Variants in TXNRD2 observed in about 807,000 individuals in gnomAD.
TXNRD2 encodes thioredoxin reductase 2.
A neutral mutation model predicts 70.8 loss-of-function variants in TXNRD2; 67 were observed. The ratio of observed to expected loss-of-function variants is 0.95; its 90% CI spans 0.78 to 1.16. The LOEUF is 1.16. Among genes scored for constraint, TXNRD2 ranks in the 50% most tolerant of loss-of-function variants. The pLI is 0.00. For missense variants in TXNRD2, 644 were observed against 719.9 expected (o/e 0.89, Z 1.21); for synonymous variants, 301 against 295.8 (o/e 1.02, Z -0.18).
rs1442558127 is a variant in TXNRD2 at position 19,907,927 on chromosome 22, A to C, written c.662+3450T>G. Among the ~76,000 whole-genome samples, 2 of 56,250 alleles carry C rather than the reference A, an allele frequency of 3.6e-5. 1 individual carries two copies. The highest frequency in any genetic ancestry group is 6.3e-5 in the Non-Finnish European group (2 of 31,902). 36.9% of individuals were successfully genotyped at this position (56,250 alleles called of 152,430 possible). A position where few individuals can be genotyped will look rare whatever the true frequency, so the allele number is the denominator to read the frequency against. Reference sequence around the variant, plus strand: ...ACCGCTCTCAGGAGAGTGTGGGCACACCATGGGTAGCAGTGACAGCTCTCA... The same window carrying C: ...ACCGCTCTCAGGAGAGTGTGGGCACCCCATGGGTAGCAGTGACAGCTCTCA... On this transcript the variant is annotated intron_variant, in intron 8 of 17. Coordinates refer to ENST00000400521, the MANE Select transcript of TXNRD2 (RefSeq NM_006440.5).
chr22:19,941,584 A>G (rs1941716049), intron 1 of TXNRD2, 117 bp downstream of exon 1: 24 of 1,326,880 alleles, frequency 1.8e-5, no homozygotes, highest in Non-Finnish European at 2.1e-5. Context: ...CGGTATGTGG[A>G]CACCCCCGCG....
At chr22:19,924,370 C>T (rs930369158) in intron 2 of TXNRD2, among the ~76,000 whole-genome samples, 9 of 152,186 alleles carry the variant, frequency 5.9e-5, no homozygotes, top group Admixed American at 1.3e-4. Flanking sequence ...CACCACCCCC[C>T]GCACCCTAAG....
intron 2 of TXNRD2, among the ~76,000 whole-genome samples, chr22:19,921,995 G>T (rs1940936225): frequency 6.6e-6 from 1 of 152,150 alleles, no homozygotes; most frequent in Non-Finnish European, 1.5e-5. Context: ...AGACCCAAAA[G>T]GATCAAACTG....
intron 11 of TXNRD2, among the ~76,000 whole-genome samples, chr22:19,885,719 A>G (rs928780005): frequency 3.3e-5 from 5 of 152,154 alleles, no homozygotes; most frequent in Non-Finnish European, 7.3e-5. Context: ...TCCGTGCCGG[A>G]ACAGAACATC....
chr22:19,881,379 GACTAACT>G, intron 12 of TXNRD2: 1 of 297,510 alleles, frequency 3.4e-6, no homozygotes. Context: ...CAGCAGGCCT[GACTAACT>G]ACGGAAACAT....
intron 2 of TXNRD2, 91 bp downstream of exon 2, chr22:19,930,939 T>C: frequency 8.3e-7 from 1 of 1,203,094 alleles, no homozygotes; most frequent in Non-Finnish European, 1.2e-6. Flanking sequence ...AGGCAACGCA[T>C]TTTGCTCATG....
intron 2 of TXNRD2, among the ~76,000 whole-genome samples, chr22:19,920,021 G>A (rs538812906): frequency 2.6e-5 from 4 of 152,274 alleles, no homozygotes; most frequent in East Asian, 1.9e-4. Flanking sequence ...GCCACTCACC[G>A]GGAATGGCTC....
intron 5 of TXNRD2, among the ~76,000 whole-genome samples, chr22:19,917,462 C>T (rs1224331535): frequency 6.6e-6 from 1 of 152,148 alleles, no homozygotes. Context: ...CAGGAAGACC[C>T]GCCCTGGGGC....
At chr22:19,908,451 G>C (rs768374575) in intron 8 of TXNRD2, among the ~76,000 whole-genome samples, 8 of 152,074 alleles carry the variant, frequency 5.3e-5, no homozygotes, top group Non-Finnish European at 1.2e-4. Context: ...CAAGAAAACA[G>C]TTTAAAGGAA....
intron 14 of TXNRD2, among the ~76,000 whole-genome samples, chr22:19,878,727 A>C (rs1819665817): frequency 6.6e-6 from 1 of 152,216 alleles, no homozygotes; most frequent in Non-Finnish European, 1.5e-5. Flanking sequence ...GCATCAGGCA[A>C]TCCAAGCAGC....
At chr22:19,905,796 G>T (rs1030819551) in intron 8 of TXNRD2, among the ~76,000 whole-genome samples, 1 of 151,814 alleles carries the variant, frequency 6.6e-6, no homozygotes, top group African/African-American at 2.4e-5. Flanking sequence ...ACAGTGCCTC[G>T]AGATGGGCAC....
At chr22:19,897,963 T>TGCACC in intron 10 of TXNRD2, 76 bp downstream of exon 10, 2 of 1,256,716 alleles carry the variant, frequency 1.6e-6, no homozygotes, top group Non-Finnish European at 2.2e-6. Context: ...ATGACTGCAC[T>TGCACC]GCACCTGCCT....
chr22:19,890,047 G>C lies in TXNRD2; in HGVS notation c.949+5360C>G, dbSNP rs115261731. ...AGCTGTGGGCTCTGGACATAAGTGTGAACTAGCCCTCAAGCCAAGCGTGGG... is the reference window on the plus strand; with the variant it reads ...AGCTGTGGGCTCTGGACATAAGTGTCAACTAGCCCTCAAGCCAAGCGTGGG... On this transcript the variant is annotated intron_variant, in intron 11 of 17. Transcript: ENST00000400521. 7.8e-3 allele frequency among the ~76,000 whole-genome samples: 1,191 copies of C among 152,304 alleles called. 8 individuals carry two copies. Among genetic ancestry groups the C allele is most frequent in the African/African-American group, 0.028 (1,150 of 41,546 alleles).
At position 19,919,704 on chromosome 22, in the gene TXNRD2, C is replaced by G; in HGVS notation, c.173-105G>C. The G allele has an allele frequency of 6.8e-6, 8 of 1,175,100 alleles. No homozygotes were observed. The Middle Eastern group carries it at 6.2e-4, about 92-fold the overall frequency. The allele number at this position is 1,175,100 out of a possible 1,614,324, so 72.8% of individuals were successfully genotyped here. On this transcript the variant is annotated intron_variant, in intron 2 of 17. Coordinates refer to ENST00000400521, the MANE Select transcript of TXNRD2 (RefSeq NM_006440.5). The stretch of plus-strand genomic sequence containing the variant: ...AGGTCCAGAAGAGTGTGGGCAGGGC[C>G]TGGGCCTGCGGCTGCCCACACAGTG...
rs35669821 is a variant in TXNRD2 at position 19,934,382 on chromosome 22, G to GAAAAAAA, written c.104-3291_104-3285dup. Reference sequence around the variant, plus strand: ...GTTAACAGAGTGAGACTCTGTCTCAGAAAAAAAAAAAAAAAAAAACTGCAC... The same window carrying GAAAAAAA: ...GTTAACAGAGTGAGACTCTGTCTCAGAAAAAAAAAAAAAAAAAAAAAAAAAACTGCAC... On this transcript the variant is annotated intron_variant, in intron 1 of 17. Coordinates refer to ENST00000400521, the MANE Select transcript of TXNRD2 (RefSeq NM_006440.5). Among the ~76,000 whole-genome samples the GAAAAAAA allele has an allele frequency of 3.2e-3, 300 of 93,712 alleles. 10 individuals carry two copies. The highest frequency in any genetic ancestry group is 0.03 in the East Asian group (100 of 3,310). 61.5% of individuals were successfully genotyped at this position (93,712 alleles called of 152,430 possible).
chr22:19,925,924 T>C (rs925653088), intron 2 of TXNRD2, among the ~76,000 whole-genome samples: 1 of 152,102 alleles, frequency 6.6e-6, no homozygotes, highest in Non-Finnish European at 1.5e-5. Context: ...CCCAGCACTT[T>C]GGGAGGCCGA....
At chr22:19,896,185 C>CT (rs1253276801) in intron 10 of TXNRD2, among the ~76,000 whole-genome samples, 2 of 151,704 alleles carry the variant, frequency 1.3e-5, no homozygotes, top group Non-Finnish European at 2.9e-5. Flanking sequence ...GTAGTTCCAG[C>CT]TAACTGGGAG....
intron 10 of TXNRD2, among the ~76,000 whole-genome samples, chr22:19,897,387 C>T (rs1329485024): frequency 6.6e-6 from 1 of 152,216 alleles, no homozygotes; most frequent in Non-Finnish European, 1.5e-5. Context: ...TTTGACATCT[C>T]CACAATGACA....
At chr22:19,921,432 A>AG (rs1049236459) in intron 2 of TXNRD2, among the ~76,000 whole-genome samples, 10 of 151,368 alleles carry the variant, frequency 6.6e-5, no homozygotes, top group African/African-American at 2.4e-4. Context: ...AAAAAAAAAA[A>AG]AGCCAGTGTG....
Sources: gnomAD v4.1 joint callset for allele counts (sites outside exome capture counted in the v4.1 genomes callset) on GRCh38, gnomAD v4.1.1 for gene constraint, MANE v1.5 for transcripts, NCBI Gene and HGNC (gene_info 2026-07-23, HGNC 2026-07-21) for gene names.